NLGN1: variants seen among roughly 807,000 people sequenced by gnomAD.
NLGN1 encodes the protein neuroligin-1.
Under a neutral mutation model 65.5 loss-of-function variants are expected in NLGN1, and 12 were observed. The observed-to-expected ratio is 0.18, with a 90% CI of 0.12 to 0.30. The LOEUF (loss-of-function observed/expected upper bound fraction) is 0.30. Ranked by LOEUF, NLGN1 falls within the 10% of genes least tolerant of loss-of-function variation. The pLI, the probability that NLGN1 is intolerant of heterozygous loss-of-function variation, is 1.00. For synonymous variants in NLGN1, 350 were observed against 359.5 expected (o/e 0.97, Z 0.30); for missense variants, 750 against 1,007.1 (o/e 0.74, Z 3.46).
intron 2 of NLGN1, among the ~76,000 whole-genome samples, chr3:173,540,939 C>G (rs1455171006): frequency 6.6e-6 from 1 of 152,124 alleles, no homozygotes; most frequent in Admixed American, 6.6e-5. Context: ...GCACCCAACC[C>G]TTTCTCCCAC....
chr3:174,197,751 C>CGTGTGTATGT (rs1733733820), intron 4 of NLGN1, among the ~76,000 whole-genome samples: 1 of 141,642 alleles, frequency 7.1e-6, no homozygotes, highest in South Asian at 2.3e-4. Context: ...CCCATTATCT[C>CGTGTGTATGT]GTGTGTGTGT....
At chr3:173,645,724 A>G (rs773886965) in intron 3 of NLGN1, among the ~76,000 whole-genome samples, 2 of 152,184 alleles carry the variant, frequency 1.3e-5, no homozygotes, top group South Asian at 4.1e-4. Context: ...GGAGGAGGTA[A>G]TCCAGTATTA....
intron 2 of NLGN1, among the ~76,000 whole-genome samples, chr3:173,539,779 T>TAAATATGTACATATATAACACAC (rs1738414570): frequency 9.1e-6 from 1 of 109,750 alleles, no homozygotes; most frequent in African/African-American, 3.4e-5. Flanking sequence ...ATATAACACA[T>TAAATATGTACATATATAACACAC]ATATATGTAC....
At chr3:173,788,105 A>G (rs945250636) in intron 3 of NLGN1, among the ~76,000 whole-genome samples, 3 of 151,512 alleles carry the variant, frequency 2.0e-5, no homozygotes, top group African/African-American at 7.3e-5. Context: ...TTTTCTCCTT[A>G]ATGAGTATTA....
chr3:173,984,055 C>G (rs1719356818), intron 4 of NLGN1, among the ~76,000 whole-genome samples: 2 of 152,164 alleles, frequency 1.3e-5, no homozygotes, highest in African/African-American at 4.8e-5. Flanking sequence ...GCATATGTTT[C>G]TCAATTAAAA....
In NLGN1 at chr3:173,769,465, C is replaced by T. The variant is rs74473648; in HGVS notation, c.494-38215C>T. Among the ~76,000 whole-genome samples, 1,031 of 152,286 alleles carry T rather than the reference C, an allele frequency of 6.8e-3. 16 individuals carry two copies. Among genetic ancestry groups the T allele is most frequent in the African/African-American group, 0.023 (936 of 41,572 alleles). ...TGCCAGTCACACTCTTTCTCATAGC[C>T]GATTTACCTCAGGAATCTTTCGAAC... On this transcript the variant is annotated intron_variant, in intron 3 of 6. Coordinates refer to ENST00000457714, the Ensembl canonical transcript of NLGN1.
chr3:173,487,463 G>A (rs771437298), intron 2 of NLGN1, among the ~76,000 whole-genome samples: 9 of 151,726 alleles, frequency 5.9e-5, no homozygotes, highest in African/African-American at 1.9e-4. Flanking sequence ...CTAGGGTTTC[G>A]TAATTATCTA....
chr3:173,567,975 CAAAT>C (rs1054074369), intron 2 of NLGN1, among the ~76,000 whole-genome samples: 4 of 151,928 alleles, frequency 2.6e-5, no homozygotes, highest in South Asian at 4.2e-4. Context: ...TTTTATTTGA[CAAAT>C]AAAAATGTAT....
chr3:174,194,670 GTAAA>G (rs1200600429), intron 4 of NLGN1, among the ~76,000 whole-genome samples: 1 of 149,948 alleles, frequency 6.7e-6, no homozygotes, highest in Non-Finnish European at 1.5e-5. Context: ...TGTTTAAGAA[GTAAA>G]TAAACATTTG....
intron 2 of NLGN1, among the ~76,000 whole-genome samples, chr3:173,527,961 A>G (rs1412457228): frequency 2.6e-5 from 4 of 152,182 alleles, no homozygotes; most frequent in Non-Finnish European, 5.9e-5. Context: ...TTCAAGGTTA[A>G]TATTGATATG....
intron 4 of NLGN1, among the ~76,000 whole-genome samples, chr3:174,240,018 A>G (rs1742490649): frequency 6.6e-6 from 1 of 152,214 alleles, no homozygotes; most frequent in African/African-American, 2.4e-5. Context: ...TAGAATGTAT[A>G]CTACATTAAC....
Position 174,093,346 on chromosome 3 carries a change from A to T in NLGN1, c.647-181969A>T, listed in dbSNP as rs113417658. Among the ~76,000 whole-genome samples the T allele has an allele frequency of 3.4e-3, 518 of 152,318 alleles. 4 individuals are homozygous for T. Among genetic ancestry groups the T allele is most frequent in the African/African-American group, 0.012 (497 of 41,584 alleles). ...CTGTTTACAGAATAGTGCTTTCTTT[A>T]CTAAAATTCTACATTGCCTGTTAGA... On this transcript the variant is annotated intron_variant, in intron 4 of 6. Transcript: ENST00000457714.
chr3:173,822,125 T>C (rs577490086), intron 4 of NLGN1, among the ~76,000 whole-genome samples: 134 of 152,298 alleles, frequency 8.8e-4, no homozygotes, highest in South Asian at 5.4e-3. Flanking sequence ...TGTGGGACTT[T>C]ATATGTTGGG....
intron 3 of NLGN1, among the ~76,000 whole-genome samples, chr3:173,687,618 G>A (rs1365504676): frequency 6.6e-6 from 1 of 152,194 alleles, no homozygotes; most frequent in Non-Finnish European, 1.5e-5. Context: ...ATACTAAAAA[G>A]TGAGAAAAAT....
chr3:173,977,107 G>GCA (rs921505579), intron 4 of NLGN1, among the ~76,000 whole-genome samples: 2,891 of 120,376 alleles, frequency 0.024, 89 homozygotes, highest in African/African-American at 0.081. Context: ...ACACACACAC[G>GCA]CACACACACA....
chr3:173,750,391 T>C (rs1776158737), intron 3 of NLGN1, among the ~76,000 whole-genome samples: 1 of 152,068 alleles, frequency 6.6e-6, no homozygotes, highest in Admixed American at 6.6e-5. Context: ...AAGTTTCTGG[T>C]GAGAGTATGT....
At chr3:173,722,852 G>A (rs1348267187) in intron 3 of NLGN1, among the ~76,000 whole-genome samples, 3 of 152,160 alleles carry the variant, frequency 2.0e-5, no homozygotes, top group Middle Eastern at 6.8e-3. Context: ...TATGTGCCAG[G>A]CACTATGATG....
At chr3:173,922,661 T>C (rs1009438657) in intron 4 of NLGN1, among the ~76,000 whole-genome samples, 1 of 152,042 alleles carries the variant, frequency 6.6e-6, no homozygotes, top group African/African-American at 2.4e-5. Flanking sequence ...AGATGGAAGA[T>C]TTTTGGTAAG....
chr3:174,156,371 T>C (rs1019762417), intron 4 of NLGN1, among the ~76,000 whole-genome samples: 9 of 151,920 alleles, frequency 5.9e-5, no homozygotes, highest in Non-Finnish European at 1.5e-5. Context: ...TCAGCCTTGT[T>C]GCCTGTGTTT....
Sources: allele counts gnomAD v4.1 joint callset (sites outside exome capture counted in the v4.1 genomes callset), GRCh38; gene constraint gnomAD v4.1.1; transcripts MANE v1.5; gene names NCBI Gene and HGNC (gene_info 2026-07-23, HGNC 2026-07-21).